Variants in POU2F2 observed in about 807,000 individuals in gnomAD.
POU2F2 encodes POU domain, class 2, transcription factor 2.
A neutral mutation model predicts 63.5 loss-of-function variants in POU2F2; 14 were observed. That is an observed-to-expected ratio of 0.22 (90% confidence interval 0.15 to 0.34). The LOEUF is 0.34. Among genes scored for constraint, POU2F2 ranks in the 10% least tolerant of loss-of-function variants. POU2F2 has a pLI of 1.00. For missense variants in POU2F2, 607 were observed against 815.2 expected (o/e 0.74, Z 3.11); for synonymous variants, 306 against 348.6 (o/e 0.88, Z 1.36).
intron 5 of POU2F2, among the ~76,000 whole-genome samples, chr19:42,100,700 G>A (rs1014873209): frequency 2.6e-5 from 4 of 151,912 alleles, no homozygotes; most frequent in Non-Finnish European, 4.4e-5. Context: ...GCAGTGAGCC[G>A]AGATCACGCC....
chr19:42,113,120 G>A (rs771120824), intron 5 of POU2F2, among the ~76,000 whole-genome samples: 12 of 152,098 alleles, frequency 7.9e-5, no homozygotes, highest in East Asian at 1.9e-4. Context: ...TCGCTAGGTC[G>A]TAGCAGCCTA....
Position 42,089,158 on chromosome 19 carries a change from C to T in POU2F2, c.*2099G>A, listed in dbSNP as rs913344330. 1.3e-5 allele frequency: 2 copies of T among 152,414 alleles called. No individual in the cohort carries two copies. Among genetic ancestry groups the T allele is most frequent in the African/African-American group, 4.8e-5 (2 of 41,336 alleles). 9.4% of individuals were successfully genotyped at this position (152,414 alleles called of 1,614,324 possible). On this transcript the variant is annotated 3_prime_UTR_variant, in exon 15 of 15. Coordinates refer to ENST00000692977, the MANE Select transcript of POU2F2 (RefSeq NM_001394376.1). The stretch of plus-strand genomic sequence containing the variant: ...TTTCAATGGCTCGTGTCCTTCACTG[C>T]AACACTTTGGTTTGAGGAGAGACAC...
At chr19:42,140,488 T>C (rs79564604) in intron 2 of POU2F2, among the ~76,000 whole-genome samples, 14,164 of 152,258 alleles carry the variant, frequency 0.093, 896 homozygotes, top group Middle Eastern at 0.2. Flanking sequence ...TCAGCCACAC[T>C]GGAGGAAGCT....
At chr19:42,119,166 C>G (rs894663679) in intron 4 of POU2F2, among the ~76,000 whole-genome samples, 1 of 150,814 alleles carries the variant, frequency 6.6e-6, no homozygotes, top group Non-Finnish European at 1.5e-5. Context: ...AAAAAAAGTG[C>G]TGCAGAGATG....
chr19:42,094,959 C>A (rs2076863070), intron 11 of POU2F2, among the ~76,000 whole-genome samples: 1 of 152,224 alleles, frequency 6.6e-6, no homozygotes, highest in Admixed American at 6.5e-5. Context: ...GTGCCTCTCC[C>A]TGCCTCTGTG....
chr19:42,103,878 C>T (rs1268860261), intron 5 of POU2F2, among the ~76,000 whole-genome samples: 1 of 151,588 alleles, frequency 6.6e-6, no homozygotes, highest in Non-Finnish European at 1.5e-5. Flanking sequence ...CGTGATCCGC[C>T]TGCCTCGGCC....
At position 42,091,314 on chromosome 19, in the gene POU2F2, C is replaced by T. The variant is rs1456130043; in HGVS notation, c.1818G>A (p.Thr606=). Reference sequence around the variant, plus strand: ...CTGGACCTCCAGGGGTCTGTGCTGCCGTCTCGCTGCAAGTGGAGGAGGAGG... The same window carrying T: ...CTGGACCTCCAGGGGTCTGTGCTGCTGTCTCGCTGCAAGTGGAGGAGGAGG... The part of the protein sequence containing the change: ...SSSSSSTCSE[T]AAQTPGGPGG... The change falls in exon 15 of 15, where the codon ACG becomes ACA. Residue 606 remains threonine, a synonymous_variant. Transcript: ENST00000692977. 4 of 1,534,316 alleles carry T rather than the reference C, an allele frequency of 2.6e-6. No homozygotes were observed. The highest frequency in any genetic ancestry group is 2.4e-5 in the South Asian group (2 of 83,962).
In POU2F2 at chr19:42,158,977, A is replaced by G. The variant is rs754235374; in HGVS notation, c.-9+1355T>C. Among the ~76,000 whole-genome samples, 5 of 152,318 alleles carry G rather than the reference A, an allele frequency of 3.3e-5. 1 individual carries two copies. Among genetic ancestry groups the G allele is most frequent in the Middle Eastern group, 3.4e-3 (1 of 294 alleles). ...CATCCTGGAACAAACACTCTCAGCG[A>G]TAACAGGGGTCCATGAATGAGCTTC... On this transcript the variant is annotated intron_variant, in intron 2 of 6. Coordinates refer to the POU2F2 transcript ENST00000524801.
Position 42,117,141 on chromosome 19 carries a change from G to T in POU2F2, c.369+109C>A, listed in dbSNP as rs918066703. 2 of 901,174 alleles carry T rather than the reference G, an allele frequency of 2.2e-6. No individual in the cohort carries two copies. Among genetic ancestry groups the T allele is most frequent in the Non-Finnish European group, 3.4e-6 (2 of 588,398 alleles). 55.8% of individuals were successfully genotyped at this position (901,174 alleles called of 1,614,324 possible). A position where few individuals can be genotyped will look rare whatever the true frequency, so the allele number is the denominator to read the frequency against. On this transcript the variant is annotated intron_variant, in intron 5 of 14. Coordinates refer to ENST00000692977, the MANE Select transcript of POU2F2 (RefSeq NM_001394376.1). The surrounding 1 kb of genome is among the most constrained non-coding windows in gnomAD (Gnocchi z 4.4). Reference sequence around the variant, plus strand: ...GAGGACAGAAGAGGGCAAGAGGCAGGTGTGAGAGAGTGGCCATGGCCTTGG... The same window carrying T: ...GAGGACAGAAGAGGGCAAGAGGCAGTTGTGAGAGAGTGGCCATGGCCTTGG...
chr19:42,134,576 C>G (rs1230534985), upstream of POU2F2: 1 of 152,512 alleles, frequency 6.6e-6, no homozygotes, highest in Non-Finnish European at 1.5e-5. Context: ...CAGGGAGGCT[C>G]AAGGCAGGGG....
chr19:42,153,831 G>A lies in POU2F2; in HGVS notation c.-9+6501C>T, dbSNP rs1210861395. Among the ~76,000 whole-genome samples the A allele has an allele frequency of 2.0e-5, 3 of 152,098 alleles. No individual in the cohort carries two copies. The highest frequency in any genetic ancestry group is 3.9e-4 in the East Asian group (2 of 5,186). On this transcript the variant is annotated intron_variant, in intron 2 of 6. Coordinates refer to the POU2F2 transcript ENST00000524801. The surrounding 1 kb of genome is among the most constrained non-coding windows in gnomAD (Gnocchi z 5.6). ...GAGTCTCTGAGTGGGGGAGGGTGGC[G>A]AGGCAGCAGGGGCTGCCACGGAGAC...
Position 42,124,175 on chromosome 19 carries a change from G to A in POU2F2, c.29-1599C>T, listed in dbSNP as rs148841641. Among the ~76,000 whole-genome samples the A allele has an allele frequency of 7.8e-3, 1,189 of 151,910 alleles. 16 individuals are homozygous for A. The highest frequency in any genetic ancestry group is 0.027 in the African/African-American group (1,135 of 41,436). On this transcript the variant is annotated intron_variant, in intron 1 of 14. Coordinates refer to ENST00000692977, the MANE Select transcript of POU2F2 (RefSeq NM_001394376.1). ...AAAAATTAGCTGGGCATGATGGCAC[G>A]CACCTGTAGTCCCAGCTATTGGGGA...
chr19:42,166,183 T>C (rs1240506415), intron 1 of POU2F2, among the ~76,000 whole-genome samples: 1 of 152,238 alleles, frequency 6.6e-6, no homozygotes, highest in Non-Finnish European at 1.5e-5. Flanking sequence ...CCCCATCACC[T>C]GACTGGTGTG....
chr19:42,175,964 T>TCC (rs1304480170), exon 1 of POU2F2: 1 of 143,042 alleles, frequency 7.0e-6, no homozygotes, highest in Non-Finnish European at 1.5e-5. Flanking sequence ...CCCTCTTACC[T>TCC]CTCCCCCCCC....
upstream of POU2F2, chr19:42,176,076 A>G (rs1461504669): frequency 1.3e-5 from 2 of 148,202 alleles, no homozygotes; most frequent in East Asian, 3.9e-4. Context: ...AAAGAGAGAG[A>G]GAGAGAAAAA....
Position 42,096,040 on chromosome 19 carries a change from C to A in POU2F2, c.729+42G>T. On this transcript the variant is annotated intron_variant, in intron 8 of 14. Coordinates refer to ENST00000692977, the MANE Select transcript of POU2F2 (RefSeq NM_001394376.1). The surrounding 1 kb of genome is among the most constrained non-coding windows in gnomAD (Gnocchi z 4.1). ...CCTCGCGGCATCTATCAACTGGCCA[C>A]GCCCCCACGCCCACCGCCCAGCCTG... The A allele has an allele frequency of 6.2e-7, 1 of 1,609,606 alleles. No individual in the cohort carries two copies. Among genetic ancestry groups the A allele is most frequent in the Non-Finnish European group, 8.5e-7 (1 of 1,178,018 alleles).
chr19:42,180,024 T>A (rs2034943212), upstream of POU2F2, among the ~76,000 whole-genome samples: 1 of 151,910 alleles, frequency 6.6e-6, no homozygotes, highest in Non-Finnish European at 1.5e-5. Flanking sequence ...ACACAGTGTG[T>A]TCACAACACA....
At chr19:42,177,621 G>C (rs1222987688), upstream of POU2F2, among the ~76,000 whole-genome samples, 1 of 152,060 alleles carries the variant, frequency 6.6e-6, no homozygotes, top group Non-Finnish European at 1.5e-5. Flanking sequence ...CAATCCTTGA[G>C]ACCGACAGAG....
intron 5 of POU2F2, among the ~76,000 whole-genome samples, chr19:42,109,186 C>T (rs1176431541): frequency 6.6e-6 from 1 of 152,182 alleles, no homozygotes; most frequent in African/African-American, 2.4e-5. Context: ...GAGGAGGAGC[C>T]CCAGAGCCGG....
Sources: allele counts gnomAD v4.1 joint callset (sites outside exome capture counted in the v4.1 genomes callset), GRCh38; gene constraint gnomAD v4.1.1; non-coding constraint Gnocchi (gnomAD v3.1); transcripts MANE v1.5; gene names NCBI Gene and HGNC (gene_info 2026-07-23, HGNC 2026-07-21).